Variants in ANKRD12 observed in about 807,000 individuals in gnomAD.
ANKRD12 encodes the protein ankyrin repeat domain 12.
ANKRD12 carries 85 observed loss-of-function variants against 183.4 expected under a neutral mutation model. The observed-to-expected ratio is 0.46, with a 90% CI of 0.39 to 0.56. ANKRD12 has a LOEUF of 0.56. ANKRD12 is among the 20% of genes least tolerant of loss of function. ANKRD12 has a pLI of 0.00. For missense variants in ANKRD12, 2,405 were observed against 2,357.1 expected, an observed-to-expected ratio of 1.02 and a Z score of -0.42; for synonymous variants, 914 against 800.2, an observed-to-expected ratio of 1.14 and a Z score of -2.40.
chr18:9,159,123 T>C (rs2031029610), intron 1 of ANKRD12, among the ~76,000 whole-genome samples: 1 of 152,196 alleles, frequency 6.6e-6, no homozygotes, highest in Non-Finnish European at 1.5e-5. Context: ...TTTCTCCTTT[T>C]ACTGAGAAAG....
rs558030800 is a variant in ANKRD12 at position 9,262,727 on chromosome 18, T to G, written c.5665-1063T>G. Among the ~76,000 whole-genome samples, 5 of 148,820 alleles carry G rather than the reference T, an allele frequency of 3.4e-5. No homozygotes were observed. In the East Asian group the frequency reaches 1.0e-3, roughly 30 times the overall value. ...TCCTCCTAGTCTCAAGCAATCCTAC[T>G]TCAGCCTCCCAAAGTGATGGGATTA... is the stretch of plus-strand genomic sequence containing the variant. On this transcript the variant is annotated intron_variant, in intron 9 of 12. Coordinates refer to ENST00000262126, the MANE Select transcript of ANKRD12 (RefSeq NM_015208.5).
Position 9,208,681 on chromosome 18 carries a change from A to C in ANKRD12, c.329A>C (p.Lys110Thr), listed in dbSNP as rs778960357. 28 of 1,609,914 alleles carry C rather than the reference A, an allele frequency of 1.7e-5. No individual in the cohort carries two copies. Among genetic ancestry groups the C allele is most frequent in the South Asian group, 2.2e-5 (2 of 89,766 alleles). ...GAGAAAGAAGGTCCAGAAAAGAAGA[A>C]GACAAAAAAGGAAGCTGGAAATAAG... is the stretch of plus-strand genomic sequence containing the variant. The part of the protein sequence containing the change: ...YSEKEGPEKK[K>T]TKKEAGNKKS... Residue 110 changes from lysine to threonine, a missense_variant, in exon 5 of 13, where the codon AAG becomes ACG. Lys to Thr is a moderately conservative substitution (Grantham distance 78). Transcript: ENST00000262126.
At chr18:9,160,702 A>G (rs1482209690) in intron 1 of ANKRD12, among the ~76,000 whole-genome samples, 2 of 152,184 alleles carry the variant, frequency 1.3e-5, no homozygotes, top group African/African-American at 4.8e-5. Flanking sequence ...GTAACCAGGG[A>G]AGTTTGCGTT....
At chr18:9,243,571 A>C (rs1598667324) in intron 8 of ANKRD12, among the ~76,000 whole-genome samples, 1 of 152,208 alleles carries the variant, frequency 6.6e-6, no homozygotes, top group African/African-American at 2.4e-5. Flanking sequence ...CAGTGGATCC[A>C]CCAACCATAA....
chr18:9,210,057 A>G (rs1190769363), intron 5 of ANKRD12, among the ~76,000 whole-genome samples: 1 of 151,696 alleles, frequency 6.6e-6, no homozygotes, highest in Non-Finnish European at 1.5e-5. Context: ...ACTGTTCTGC[A>G]GTTGGTCTTT....
intron 1 of ANKRD12, among the ~76,000 whole-genome samples, chr18:9,161,730 A>T (rs1422200175): frequency 6.7e-6 from 1 of 150,080 alleles, no homozygotes; most frequent in Non-Finnish European, 1.5e-5. Context: ...GTACTATGTG[A>T]TATGTTGATG....
At chr18:9,159,330 C>T (rs1189708240) in intron 1 of ANKRD12, among the ~76,000 whole-genome samples, 4 of 152,208 alleles carry the variant, frequency 2.6e-5, no homozygotes, top group Admixed American at 2.0e-4. Flanking sequence ...CAGCTGTAAT[C>T]CATTACCACA....
intron 1 of ANKRD12, among the ~76,000 whole-genome samples, chr18:9,170,282 C>T (rs2032564385): frequency 6.6e-6 from 1 of 152,198 alleles, no homozygotes; most frequent in Non-Finnish European, 1.5e-5. Context: ...TGGGGAAGTT[C>T]TCCTGGATAA....
chr18:9,201,312 T>A (rs2035151182), intron 3 of ANKRD12, among the ~76,000 whole-genome samples: 1 of 152,242 alleles, frequency 6.6e-6, no homozygotes, highest in African/African-American at 2.4e-5. Flanking sequence ...ACTTAATTTC[T>A]TTCCTAGTCT....
chr18:9,254,162 C>A, intron 8 of ANKRD12, 49 bp from the exon 9 acceptor site: 2 of 1,432,884 alleles, frequency 1.4e-6, no homozygotes, highest in Non-Finnish European at 1.8e-6. Flanking sequence ...ATTTTTCTGG[C>A]AGTTGTGTTT....
At chr18:9,194,540 A>G (rs949023630) in intron 2 of ANKRD12, among the ~76,000 whole-genome samples, 32 of 152,044 alleles carry the variant, frequency 2.1e-4, no homozygotes, top group African/African-American at 7.7e-4. Flanking sequence ...GTATTTTTGT[A>G]GAGACAGGAT....
In ANKRD12 at chr18:9,223,877, T is replaced by G. The variant is rs890177598; in HGVS notation, c.943+1878T>G. 3.3e-5 allele frequency among the ~76,000 whole-genome samples: 5 copies of G among 152,350 alleles called. No individual in the cohort carries two copies. In the South Asian group the frequency reaches 1.0e-3, roughly 32 times the overall value. ...TTACGTGACGAGACCAGAGTTGTTC[T>G]GTGTTCAGTAAAAGTTCATAGTTAT... On this transcript the variant is annotated intron_variant, in intron 8 of 12. Transcript: ENST00000262126.
intron 1 of ANKRD12, 146 bp from the exon 2 acceptor site, chr18:9,182,236 A>T (rs1355285829): frequency 3.2e-5 from 9 of 281,196 alleles, no homozygotes; most frequent in Non-Finnish European, 5.3e-5. Flanking sequence ...AGCTAAAATA[A>T]GGTGAAAACT....
intron 1 of ANKRD12, among the ~76,000 whole-genome samples, chr18:9,178,104 A>G (rs1187075504): frequency 6.6e-6 from 1 of 152,224 alleles, no homozygotes; most frequent in Non-Finnish European, 1.5e-5. Flanking sequence ...TAACAGGGTA[A>G]TTTAAAGAGC....
rs1017958470 is a variant in ANKRD12, at chr18:9,247,330, T to A, written c.944-6881T>A. Reference sequence around the variant, plus strand: ...ATCTCTACCAAAAAAAAAAAAAAAATGGCCTGGATGTGGTGGTGTGTACCT... The same window carrying A: ...ATCTCTACCAAAAAAAAAAAAAAAAAGGCCTGGATGTGGTGGTGTGTACCT... On this transcript the variant is annotated intron_variant, in intron 8 of 12. Transcript: ENST00000262126. Among the ~76,000 whole-genome samples the A allele has an allele frequency of 6.2e-3, 860 of 138,636 alleles. 6 individuals are homozygous for A. Among genetic ancestry groups the A allele is most frequent in the Admixed American group, 1.0e-2 (141 of 14,144 alleles). The allele number at this position is 138,636 out of a possible 152,430, so 91.0% of individuals were successfully genotyped here. A position where few individuals can be genotyped will look rare whatever the true frequency, so the allele number is the denominator to read the frequency against.
intron 8 of ANKRD12, among the ~76,000 whole-genome samples, chr18:9,241,537 A>G (rs1255541949): frequency 6.6e-6 from 1 of 152,170 alleles, no homozygotes; most frequent in Admixed American, 6.5e-5. Flanking sequence ...GCAAGCATCA[A>G]GTTTGGTGTT....
intron 8 of ANKRD12, among the ~76,000 whole-genome samples, chr18:9,234,770 G>A (rs905155646): frequency 6.6e-6 from 1 of 152,142 alleles, no homozygotes; most frequent in African/African-American, 2.4e-5. Context: ...TTCCCTGTCT[G>A]GTGCAATGCT....
At chr18:9,262,447 T>C (rs2039024619) in intron 9 of ANKRD12, among the ~76,000 whole-genome samples, 1 of 152,124 alleles carries the variant, frequency 6.6e-6, no homozygotes, top group Non-Finnish European at 1.5e-5. Flanking sequence ...TCTTTTGTTT[T>C]GTTTTGTTTT....
chr18:9,171,758 C>T lies in ANKRD12; in HGVS notation c.-51-10624C>T, dbSNP rs146118731. 9.5e-3 allele frequency among the ~76,000 whole-genome samples: 1,446 copies of T among 152,112 alleles called. 4 individuals carry two copies. The highest frequency in any genetic ancestry group is 0.014 in the Non-Finnish European group (920 of 67,982). On this transcript the variant is annotated intron_variant, in intron 1 of 12. Coordinates refer to ENST00000262126, the MANE Select transcript of ANKRD12 (RefSeq NM_015208.5). ...TGTTGAGGCCAGGTGCGGTGGCTCA[C>T]GTCTGTAATCCCATCACTTTTGGAG...
Sources: allele counts gnomAD v4.1 joint callset (sites outside exome capture counted in the v4.1 genomes callset), GRCh38; gene constraint gnomAD v4.1.1; transcripts MANE v1.5; gene names NCBI Gene and HGNC (gene_info 2026-07-23, HGNC 2026-07-21).